The following SFXN5 variants were observed in gnomAD, a reference collection of about 807,000 sequenced individuals.
The protein encoded by SFXN5 is sideroflexin 5, also known as sideroflexin-5.
Under a neutral mutation model 50.2 loss-of-function variants are expected in SFXN5, and 43 were observed. That is an observed-to-expected ratio of 0.86 (90% CI 0.67 to 1.11). The LOEUF (loss-of-function observed/expected upper bound fraction) is 1.11. SFXN5 is among the 50% of genes least tolerant of loss of function. The pLI, the probability that SFXN5 is intolerant of heterozygous loss-of-function variation, is 0.00. For synonymous variants in SFXN5, 203 were observed against 185.8 expected, an observed-to-expected ratio of 1.09 and a Z score of -0.75; for missense variants, 463 against 454.1, an observed-to-expected ratio of 1.02 and a Z score of -0.18.
intron 13 of SFXN5, among the ~76,000 whole-genome samples, chr2:72,952,813 T>G (rs1227149346): frequency 2.0e-5 from 3 of 152,158 alleles, no homozygotes; most frequent in Non-Finnish European, 2.9e-5. Context: ...TGCGTGATGC[T>G]GTGTAAAGAG....
rs1672700641 is a variant in SFXN5 at position 72,953,012 on chromosome 2, G to A, written c.946-7913C>T. ...GTGTCCTGGAAGGTCCTGGAAAAAA[G>A]AACTGTGGGGGAAAGGCTGTCAGGC... On this transcript the variant is annotated intron_variant, in intron 13 of 13. Coordinates refer to ENST00000272433, the MANE Select transcript of SFXN5 (RefSeq NM_144579.3). This position sits in a 1 kb window ranked among gnomAD's most constrained non-coding sequence, Gnocchi z 4.1. Among the ~76,000 whole-genome samples the A allele has an allele frequency of 6.6e-6, 1 of 152,194 alleles. No individual in the cohort carries two copies. Among genetic ancestry groups the A allele is most frequent in the African/African-American group, 2.4e-5 (1 of 41,448 alleles).
Position 73,057,488 on chromosome 2 carries a change from T to C in SFXN5, c.171+1040A>G, listed in dbSNP as rs546169818. Reference sequence around the variant, plus strand: ...AAGCCAGATACAGAAGCCTGCATACTGTAGGATTCCATTTATATGACATTC... The same window carrying C: ...AAGCCAGATACAGAAGCCTGCATACCGTAGGATTCCATTTATATGACATTC... On this transcript the variant is annotated intron_variant, in intron 2 of 13. Coordinates refer to ENST00000272433, the MANE Select transcript of SFXN5 (RefSeq NM_144579.3). Among the ~76,000 whole-genome samples the C allele has an allele frequency of 2.0e-5, 3 of 152,276 alleles. No homozygotes were observed. The East Asian group carries it at 5.8e-4, about 29-fold the overall frequency.
chr2:73,030,406 C>T (rs1167567852), intron 3 of SFXN5, among the ~76,000 whole-genome samples: 10 of 152,094 alleles, frequency 6.6e-5, no homozygotes, highest in Non-Finnish European at 8.8e-5. Context: ...GAAACGGGAT[C>T]TCGCTATGTT....
intron 10 of SFXN5, among the ~76,000 whole-genome samples, chr2:72,972,115 G>A (rs1361912176): frequency 2.0e-5 from 3 of 152,136 alleles, no homozygotes; most frequent in Non-Finnish European, 4.4e-5. Context: ...TTAAACTGTC[G>A]GTCCAACATC....
At chr2:73,059,241 G>C (rs958761088) in intron 1 of SFXN5, 18 of 985,592 alleles carry the variant, frequency 1.8e-5, no homozygotes, top group Non-Finnish European at 2.0e-5. Flanking sequence ...CACAATGAAA[G>C]GAAACCAAGC....
intron 6 of SFXN5, among the ~76,000 whole-genome samples, chr2:73,012,167 A>G (rs1675583607): frequency 1.3e-5 from 2 of 152,234 alleles, no homozygotes; most frequent in South Asian, 4.1e-4. Flanking sequence ...AAATGTATGC[A>G]GATATCTAGA....
chr2:73,002,389 C>G (rs1235462967), intron 6 of SFXN5, among the ~76,000 whole-genome samples: 1 of 152,242 alleles, frequency 6.6e-6, no homozygotes, highest in East Asian at 1.9e-4. Context: ...GATTTTGACA[C>G]TGGCCAAGCC....
chr2:73,052,656 A>G (rs1283942825), intron 2 of SFXN5, among the ~76,000 whole-genome samples: 1 of 152,144 alleles, frequency 6.6e-6, no homozygotes, highest in Non-Finnish European at 1.5e-5. Flanking sequence ...CATTTCCTTA[A>G]GTAATTACTG....
intron 6 of SFXN5, among the ~76,000 whole-genome samples, chr2:73,006,297 C>A (rs1435215796): frequency 6.6e-6 from 1 of 152,152 alleles, no homozygotes; most frequent in Non-Finnish European, 1.5e-5. Flanking sequence ...TTTGTCTAGA[C>A]CGGGCAAACC....
chr2:72,993,060 G>A (rs562027180), intron 9 of SFXN5, among the ~76,000 whole-genome samples: 5 of 152,316 alleles, frequency 3.3e-5, no homozygotes, highest in Admixed American at 6.5e-5. Context: ...GTACTCAGAC[G>A]ACAGTCTACA....
chr2:72,968,101 G>A (rs1037598336), intron 12 of SFXN5, among the ~76,000 whole-genome samples: 1 of 149,538 alleles, frequency 6.7e-6, no homozygotes, highest in Non-Finnish European at 1.5e-5. Context: ...TATTCACTGA[G>A]AGCATGTGAG....
In SFXN5 at chr2:73,026,126, CT is replaced by C. The variant is rs759334127; in HGVS notation, c.250-2913del. Among the ~76,000 whole-genome samples the C allele has an allele frequency of 2.8e-4, 37 of 133,654 alleles. 1 individual carries two copies. The highest frequency in any genetic ancestry group is 6.9e-4 in the South Asian group (3 of 4,356). 87.7% of individuals were successfully genotyped at this position (133,654 alleles called of 152,430 possible). ...CCAGTGGTCTAATGCTGTGTGGCTG[CT>C]TTTTTTTTTTCTTTTTTTGAGACAG... On this transcript the variant is annotated intron_variant, in intron 3 of 13. Transcript: ENST00000272433.
intron 9 of SFXN5, among the ~76,000 whole-genome samples, chr2:72,994,236 C>T (rs1278556047): frequency 6.6e-6 from 1 of 152,174 alleles, no homozygotes; most frequent in Non-Finnish European, 1.5e-5. Flanking sequence ...CAATGCCTGG[C>T]GTGCTGTAGG....
At chr2:73,010,389 T>C (rs1275551916) in intron 6 of SFXN5, among the ~76,000 whole-genome samples, 1 of 152,230 alleles carries the variant, frequency 6.6e-6, no homozygotes, top group Non-Finnish European at 1.5e-5. Context: ...AATGTGAATG[T>C]GATGGCTGGA....
intron 13 of SFXN5, among the ~76,000 whole-genome samples, chr2:72,946,497 C>T (rs1671944407): frequency 6.6e-6 from 1 of 152,152 alleles, no homozygotes; most frequent in Non-Finnish European, 1.5e-5. Context: ...CTGCACATGC[C>T]CTGGGTTACC....
chr2:72,979,977 A>G (rs1010982904), intron 10 of SFXN5, among the ~76,000 whole-genome samples: 1 of 152,206 alleles, frequency 6.6e-6, no homozygotes, highest in African/African-American at 2.4e-5. Flanking sequence ...AAATAGAGCC[A>G]TTTTCATTAA....
At chr2:73,046,254 C>T (rs1680305349) in intron 2 of SFXN5, among the ~76,000 whole-genome samples, 1 of 151,882 alleles carries the variant, frequency 6.6e-6, no homozygotes, top group South Asian at 2.1e-4. Context: ...ACTGAAAATA[C>T]AAAACTTAGC....
intron 6 of SFXN5, among the ~76,000 whole-genome samples, chr2:73,017,461 T>G (rs1439554086): frequency 6.6e-6 from 1 of 152,136 alleles, no homozygotes; most frequent in Admixed American, 6.5e-5. Flanking sequence ...AGAAAAAAAT[T>G]AATTCAAGAA....
At chr2:73,049,182 T>C (rs1680910737) in intron 2 of SFXN5, 1 of 152,286 alleles carries the variant, frequency 6.6e-6, no homozygotes, top group Non-Finnish European at 1.5e-5. Context: ...AGAACCAGCA[T>C]TTGGTATCTG....
Sources: gnomAD v4.1 joint callset for allele counts (sites outside exome capture counted in the v4.1 genomes callset) on GRCh38, gnomAD v4.1.1 for gene constraint, Gnocchi (gnomAD v3.1) non-coding constraint, MANE v1.5 for transcripts, NCBI Gene and HGNC (gene_info 2026-07-23, HGNC 2026-07-21) for gene names.